The following NFIC variants were observed in gnomAD, a reference collection of about 807,000 sequenced individuals.
NFIC encodes nuclear factor 1 C-type.
In NFIC, 12 loss-of-function variants were observed where a neutral mutation model predicts 54.4. That is an observed-to-expected ratio of 0.22 (90% confidence interval 0.14 to 0.36). The LOEUF is 0.36. Ranked by LOEUF, NFIC falls within the 10% of genes least tolerant of loss-of-function variation. NFIC has a pLI of 1.00. For missense variants in NFIC, 575 were observed against 718.2 expected (o/e 0.80, Z 2.28); for synonymous variants, 322 against 319.2 (o/e 1.01, Z -0.09).
At chr19:3,457,598 G>A (rs993510855) in intron 10 of NFIC, among the ~76,000 whole-genome samples, 1 of 152,186 alleles carries the variant, frequency 6.6e-6, no homozygotes, top group African/African-American at 2.4e-5. Flanking sequence ...CACAGGCCCG[G>A]GAGGTCCAGA....
chr19:3,439,243 G>A (rs550342401), intron 6 of NFIC, among the ~76,000 whole-genome samples: 2 of 144,850 alleles, frequency 1.4e-5, no homozygotes, highest in South Asian at 4.5e-4. Flanking sequence ...GCTGAGGTGA[G>A]AGGATTGCTT....
rs972412680 is a variant in NFIC at position 3,459,158 on chromosome 19, G to A, written c.1509+2523G>A. ...CGCCTCCTCTATTCCTGGCGGATTC[G>A]CTTCCCTCTGCCCCCTCCTCCCCCA... On this transcript the variant is annotated intron_variant, in intron 10 of 10. Transcript: ENST00000443272. This position sits in a 1 kb window ranked among gnomAD's most constrained non-coding sequence, Gnocchi z 4.2. 1.3e-5 allele frequency among the ~76,000 whole-genome samples: 2 copies of A among 151,996 alleles called. No homozygotes were observed. The highest frequency in any genetic ancestry group is 4.8e-5 in the African/African-American group (2 of 41,386).
rs2080962787 is a variant in NFIC at position 3,369,585 on chromosome 19, T to A, written c.30+2919T>A. 6.6e-6 allele frequency among the ~76,000 whole-genome samples: 1 copy of A among 152,084 alleles called. No individual in the cohort carries two copies. The highest frequency in any genetic ancestry group is 2.1e-4 in the South Asian group (1 of 4,826). ...CCCGGCCCGCCGAGTGGGGAGTGGG[T>A]GCTGGCGGCCCTGGGGCATTCTGGG... is the stretch of plus-strand genomic sequence containing the variant. On this transcript the variant is annotated intron_variant, in intron 1 of 10. Coordinates refer to ENST00000443272, the MANE Select transcript of NFIC (RefSeq NM_001245002.2). The surrounding 1 kb of genome is among the most constrained non-coding windows in gnomAD (Gnocchi z 4.3).
intron 6 of NFIC, among the ~76,000 whole-genome samples, chr19:3,439,534 C>T (rs1351690287): frequency 2.0e-5 from 3 of 149,168 alleles, no homozygotes; most frequent in Admixed American, 6.7e-5. Flanking sequence ...CCCAGCTACT[C>T]GGGAGGCTGA....
At chr19:3,403,836 C>G (rs529427539) in intron 2 of NFIC, among the ~76,000 whole-genome samples, 26 of 152,114 alleles carry the variant, frequency 1.7e-4, no homozygotes, top group African/African-American at 5.8e-4. Context: ...CACCCCCCGC[C>G]GCGCCCGGCT....
At chr19:3,429,597 A>G (rs988385938) in intron 3 of NFIC, among the ~76,000 whole-genome samples, 33 of 152,236 alleles carry the variant, frequency 2.2e-4, no homozygotes, top group African/African-American at 7.9e-4. Context: ...TCTCTAAAAA[A>G]GAAAGATTGT....
Position 3,465,288 on chromosome 19 carries a change from G to A in NFIC, c.*2519G>A, listed in dbSNP as rs1327459129. The stretch of plus-strand genomic sequence containing the variant: ...AGTATTACCTTTAAACAATATCAGC[G>A]CACACACATAGCTGCATGTTCTGCT... On this transcript the variant is annotated 3_prime_UTR_variant, in exon 11 of 11. Coordinates refer to ENST00000443272, the MANE Select transcript of NFIC (RefSeq NM_001245002.2). The A allele has an allele frequency of 6.2e-5, 9 of 144,810 alleles. No homozygotes were observed. The highest frequency in any genetic ancestry group is 2.1e-4 in the Admixed American group (3 of 14,410). 9.0% of individuals were successfully genotyped at this position (144,810 alleles called of 1,614,324 possible).
intron 6 of NFIC, among the ~76,000 whole-genome samples, chr19:3,439,340 A>G: frequency 1.4e-5 from 1 of 71,660 alleles, no homozygotes; most frequent in Non-Finnish European, 2.4e-5. Context: ...TCTCAAAAAA[A>G]AAAAAAAAAA....
intron 10 of NFIC, among the ~76,000 whole-genome samples, chr19:3,462,499 C>A (rs1260024450): frequency 6.6e-6 from 1 of 152,158 alleles, no homozygotes; most frequent in African/African-American, 2.4e-5. Flanking sequence ...TAAAAGAATT[C>A]TGTGTTAACC....
chr19:3,452,461 C>G lies in NFIC; in HGVS notation c.1085-21C>G. 6.2e-7 allele frequency: 1 copy of G among 1,608,804 alleles called. No individual in the cohort carries two copies. The highest frequency in any genetic ancestry group is 1.1e-5 in the South Asian group (1 of 91,044). On this transcript the variant is annotated intron_variant, in intron 7 of 10. Coordinates refer to ENST00000443272, the MANE Select transcript of NFIC (RefSeq NM_001245002.2). This position sits in a 1 kb window ranked among gnomAD's most constrained non-coding sequence, Gnocchi z 5.3. ...CCGGCTGGAGCCCCCAAGTAACCCCCGCTTCCCACTGTCTCCGCAGGGATC... is the reference window on the plus strand; with the variant it reads ...CCGGCTGGAGCCCCCAAGTAACCCCGGCTTCCCACTGTCTCCGCAGGGATC...
At position 3,467,758 on chromosome 19, in the gene NFIC, C is replaced by CATACATATATATATATATATAT. The variant is rs1176001849; in HGVS notation, c.*4992_*4993insCATATATATATATATATATATA. On this transcript the variant is annotated 3_prime_UTR_variant, in exon 11 of 11. Coordinates refer to ENST00000443272, the MANE Select transcript of NFIC (RefSeq NM_001245002.2). The stretch of plus-strand genomic sequence containing the variant: ...ACCTCCAGTGTAGGGCTATACTATA[C>CATACATATATATATATATATAT]ATATATATATATATATATATATATA... The CATACATATATATATATATATAT allele has an allele frequency of 2.9e-5, 2 of 69,636 alleles. No homozygotes were observed. Among genetic ancestry groups the CATACATATATATATATATATAT allele is most frequent in the Non-Finnish European group, 2.4e-5 (1 of 42,332 alleles). The allele number at this position is 69,636 out of a possible 1,614,324, so 4.3% of individuals were successfully genotyped here.
chr19:3,405,370 A>G lies in NFIC; in HGVS notation c.563-19736A>G, dbSNP rs565446991. On this transcript the variant is annotated intron_variant, in intron 2 of 10. Coordinates refer to ENST00000443272, the MANE Select transcript of NFIC (RefSeq NM_001245002.2). ...TGGGCTTGTGTTTTTTCCTCTTTTG[A>G]TTTGTCCAGACAGGCGATGGACAAG... Among the ~76,000 whole-genome samples the G allele has an allele frequency of 3.3e-5, 5 of 152,064 alleles. No individual in the cohort carries two copies. In the South Asian group the frequency reaches 1.0e-3, roughly 32 times the overall value.
At chr19:3,376,824 G>A (rs556366070) in intron 1 of NFIC, among the ~76,000 whole-genome samples, 146 of 152,168 alleles carry the variant, frequency 9.6e-4, no homozygotes, top group Non-Finnish European at 1.7e-3. Flanking sequence ...TGCCTCCCGG[G>A]TTCAAGTGAT....
chr19:3,437,367 C>CA (rs560589132), intron 6 of NFIC, among the ~76,000 whole-genome samples: 19,358 of 132,352 alleles, frequency 0.15, 1,377 homozygotes, highest in Middle Eastern at 0.25. Context: ...GACTCCGTCT[C>CA]AAAAAAAAAA....
At chr19:3,433,942 G>A (rs2082159537) in intron 4 of NFIC, among the ~76,000 whole-genome samples, 1 of 152,070 alleles carries the variant, frequency 6.6e-6, no homozygotes, top group Non-Finnish European at 1.5e-5. Flanking sequence ...TGGGGACCCA[G>A]CACATTCCGT....
chr19:3,365,381 A>G (rs1398838597), upstream of NFIC, among the ~76,000 whole-genome samples: 1 of 152,212 alleles, frequency 6.6e-6, no homozygotes, highest in Non-Finnish European at 1.5e-5. Context: ...ATCCCACAGG[A>G]TGGGCATCTT....
chr19:3,463,675 A>G lies in NFIC; in HGVS notation c.*906A>G, dbSNP rs1860629601. 1 of 883,342 alleles carries G rather than the reference A, an allele frequency of 1.1e-6. No homozygotes were observed. Among genetic ancestry groups the G allele is most frequent in the African/African-American group, 3.6e-5 (1 of 28,044 alleles). The allele number at this position is 883,342 out of a possible 1,614,324, so 54.7% of individuals were successfully genotyped here. A position where few individuals can be genotyped will look rare whatever the true frequency, so the allele number is the denominator to read the frequency against. ...GGCCCCCCCACCTCGCCCGGCTCAC[A>G]CCCCCAAAGGGAGGGACCCACATTG... On this transcript the variant is annotated 3_prime_UTR_variant, in exon 11 of 11. Transcript: ENST00000443272.
chr19:3,399,813 G>A (rs1300354960), intron 2 of NFIC, among the ~76,000 whole-genome samples: 2 of 152,138 alleles, frequency 1.3e-5, no homozygotes, highest in Admixed American at 1.3e-4. Flanking sequence ...GGAGATTGTA[G>A]TGAGCCGAGA....
chr19:3,434,030 A>C (rs2074977), intron 4 of NFIC, among the ~76,000 whole-genome samples: 71,356 of 152,022 alleles, frequency 0.47, 18,468 homozygotes, highest in East Asian at 0.76. Context: ...TTCCCTGTCC[A>C]GATCAGCAGA....
Sources: allele counts gnomAD v4.1 joint callset (sites outside exome capture counted in the v4.1 genomes callset), GRCh38; gene constraint gnomAD v4.1.1; non-coding constraint Gnocchi (gnomAD v3.1); transcripts MANE v1.5; gene names NCBI Gene and HGNC (gene_info 2026-07-23, HGNC 2026-07-21).